The following CASZ1 variants were observed in gnomAD, a reference collection of about 807,000 sequenced individuals.
CASZ1 encodes castor zinc finger 1.
In CASZ1, 28 loss-of-function variants were observed where a neutral mutation model predicts 135.2. The ratio of observed to expected loss-of-function variants is 0.21; its 90% CI spans 0.15 to 0.28. CASZ1 has a LOEUF of 0.28. CASZ1 is among the 10% of genes least tolerant of loss of function. The probability of loss-of-function intolerance (pLI) is 1.00; values close to 1 mark genes in which losing one functional copy is unlikely to be tolerated. For missense variants in CASZ1, 2,161 were observed against 2,453.3 expected (o/e 0.88, Z 2.52); for synonymous variants, 1,068 against 1,073.4 (o/e 0.99, Z 0.10).
At chr1:10,749,653 A>G (rs1640114276) in intron 2 of CASZ1, among the ~76,000 whole-genome samples, 1 of 152,076 alleles carries the variant, frequency 6.6e-6, no homozygotes, top group Non-Finnish European at 1.5e-5. Flanking sequence ...AGACTCTTGT[A>G]GCAGGAGGTT....
rs1199765650 is a variant in CASZ1, at chr1:10,639,018, G to A, written c.5204C>T (p.Ala1735Val). 6 of 1,003,106 alleles carry A rather than the reference G, an allele frequency of 6.0e-6. No individual in the cohort carries two copies. Among genetic ancestry groups the A allele is most frequent in the African/African-American group, 1.8e-5 (1 of 56,568 alleles). The allele number at this position is 1,003,106 out of a possible 1,614,324, so 62.1% of individuals were successfully genotyped here. Reference protein sequence around the residue: ...EAAAEAAGAGARTPALAALAA... With the variant: ...EAAAEAAGAGVRTPALAALAA... ...CAGCGCCGCCAAGGCCGGGGTCCGC[G>A]CGCCCGCGCCCGCCGCCTCCGCCGC... Residue 1735 changes from alanine to valine, a missense_variant, in exon 21 of 21, where the codon GCG (alanine) becomes GTG (valine). Physicochemically the swap from Ala to Val is moderately conservative, Grantham distance 64 (BLOSUM62 0). Transcript: ENST00000377022. This position sits in a 1 kb window ranked among gnomAD's most constrained non-coding sequence, Gnocchi z 4.0.
In CASZ1 at chr1:10,725,281, C is replaced by T. The variant is rs903621821; in HGVS notation, c.-76-19737G>A. On this transcript the variant is annotated intron_variant, in intron 2 of 20. Coordinates refer to ENST00000377022, the MANE Select transcript of CASZ1 (RefSeq NM_001079843.3). The surrounding 1 kb of genome is among the most constrained non-coding windows in gnomAD (Gnocchi z 4.4). The stretch of plus-strand genomic sequence containing the variant: ...CCAGGCGTCTGCCAGGCCCCTCCAC[C>T]GTGCCAATGCCAACACCGTGGCCGC... Among the ~76,000 whole-genome samples, 4 of 152,246 alleles carry T rather than the reference C, an allele frequency of 2.6e-5. No individual in the cohort carries two copies. Among genetic ancestry groups the T allele is most frequent in the African/African-American group, 7.2e-5 (3 of 41,460 alleles).
chr1:10,694,807 G>A lies in CASZ1; in HGVS notation c.-23-895C>T, dbSNP rs1299071019. ...GAGGAGGCGGGGACTTGCGCTCAGG[G>A]CTGGCGGGAGGGGACCCGGCGCGGG... is the stretch of plus-strand genomic sequence containing the variant. On this transcript the variant is annotated intron_variant, in intron 3 of 20. Transcript: ENST00000377022. The surrounding 1 kb of genome is among the most constrained non-coding windows in gnomAD (Gnocchi z 6.6). 4.1e-5 allele frequency among the ~76,000 whole-genome samples: 6 copies of A among 145,398 alleles called. No homozygotes were observed. The highest frequency in any genetic ancestry group is 9.2e-5 in the Non-Finnish European group (6 of 65,462).
chr1:10,694,884 C>A lies in CASZ1; in HGVS notation c.-23-972G>T, dbSNP rs1209123514. The stretch of plus-strand genomic sequence containing the variant: ...CCCGCGGGCACGCGCCCACTCTTGC[C>A]GGCCGCCGGCGGCCGCGCGCGCGCT... On this transcript the variant is annotated intron_variant, in intron 3 of 20. Transcript: ENST00000377022. The surrounding 1 kb of genome is among the most constrained non-coding windows in gnomAD (Gnocchi z 6.6). 7.0e-6 allele frequency among the ~76,000 whole-genome samples: 1 copy of A among 143,714 alleles called. No homozygotes were observed. Among genetic ancestry groups the A allele is most frequent in the East Asian group, 2.1e-4 (1 of 4,844 alleles). 94.3% of individuals were successfully genotyped at this position (143,714 alleles called of 152,430 possible). A position where few individuals can be genotyped will look rare whatever the true frequency, so the allele number is the denominator to read the frequency against.
At position 10,755,520 on chromosome 1, in the gene CASZ1, C is replaced by T. The variant is rs1343976498; in HGVS notation, c.-77+5181G>A. ...CATCCTTTGGATCAACTGCGTCACC[C>T]GCCGAGAAGTCCCCCGAGTAGCTCC... On this transcript the variant is annotated intron_variant, in intron 2 of 20. Transcript: ENST00000377022. The surrounding 1 kb of genome is among the most constrained non-coding windows in gnomAD (Gnocchi z 4.3). Among the ~76,000 whole-genome samples the T allele has an allele frequency of 1.3e-5, 2 of 152,150 alleles. No individual in the cohort carries two copies. Among genetic ancestry groups the T allele is most frequent in the African/African-American group, 2.4e-5 (1 of 41,434 alleles).
chr1:10,746,483 G>A (rs1223316192), intron 2 of CASZ1, among the ~76,000 whole-genome samples: 1 of 152,226 alleles, frequency 6.6e-6, no homozygotes, highest in African/African-American at 2.4e-5. Flanking sequence ...GCTCCCAGAG[G>A]AAGGAGTCTG....
chr1:10,650,445 C>T (rs1642530018), intron 13 of CASZ1: 1 of 378,492 alleles, frequency 2.6e-6, no homozygotes, highest in African/African-American at 2.1e-5. Flanking sequence ...GCTTTTGGAG[C>T]CCTCCATCTG....
chr1:10,661,710 C>T (rs1643033930), intron 5 of CASZ1, among the ~76,000 whole-genome samples: 2 of 151,852 alleles, frequency 1.3e-5, no homozygotes, highest in African/African-American at 4.8e-5. Flanking sequence ...CACACCTACA[C>T]AGTCACATGC....
chr1:10,770,732 A>C lies in CASZ1; in HGVS notation c.-233-9875T>G, dbSNP rs549642954. The stretch of plus-strand genomic sequence containing the variant: ...AGCTTCCTCCCAGCCCCACCCCATC[A>C]GTTCCTGACAGGTTTCTCTGCAGTT... On this transcript the variant is annotated intron_variant, in intron 1 of 20. Transcript: ENST00000377022. Among the ~76,000 whole-genome samples, 237 of 152,280 alleles carry C rather than the reference A, an allele frequency of 1.6e-3. 1 individual carries two copies. The highest frequency in any genetic ancestry group is 3.4e-3 in the Middle Eastern group (1 of 294).
chr1:10,700,335 C>T lies in CASZ1; in HGVS notation c.-24+5157G>A, dbSNP rs1476813510. On this transcript the variant is annotated intron_variant, in intron 3 of 20. Transcript: ENST00000377022. This position sits in a 1 kb window ranked among gnomAD's most constrained non-coding sequence, Gnocchi z 4.2. The stretch of plus-strand genomic sequence containing the variant: ...GTTACCCTGTTGCTGCTGGTTCCTG[C>T]TCCAAGCCTCCCTTCTAGGAGCAGG... 2.0e-5 allele frequency among the ~76,000 whole-genome samples: 3 copies of T among 152,244 alleles called. No homozygotes were observed. Among genetic ancestry groups the T allele is most frequent in the African/African-American group, 7.2e-5 (3 of 41,464 alleles).
At chr1:10,714,994 G>A (rs982679664) in intron 2 of CASZ1, among the ~76,000 whole-genome samples, 5 of 152,178 alleles carry the variant, frequency 3.3e-5, no homozygotes, top group African/African-American at 1.2e-4. Flanking sequence ...GCTCAGCCGC[G>A]GGCCTAACCT....
chr1:10,692,351 A>G (rs1638794866), intron 4 of CASZ1, among the ~76,000 whole-genome samples: 1 of 152,072 alleles, frequency 6.6e-6, no homozygotes. Context: ...GGGGTGGTGC[A>G]TTGCCACCAG....
rs543099711 is a variant in CASZ1, at chr1:10,709,246, G to A, written c.-76-3702C>T. Among the ~76,000 whole-genome samples the A allele has an allele frequency of 3.9e-5, 6 of 152,240 alleles. No homozygotes were observed. Among genetic ancestry groups the A allele is most frequent in the South Asian group, 2.1e-4 (1 of 4,820 alleles). ...AGGCCTCCCGGGGCCATGGGGGCTC[G>A]GGGCAGCTGTCGGGCTGCCCATCCG... On this transcript the variant is annotated intron_variant, in intron 2 of 20. Coordinates refer to ENST00000377022, the MANE Select transcript of CASZ1 (RefSeq NM_001079843.3). The surrounding 1 kb of genome is among the most constrained non-coding windows in gnomAD (Gnocchi z 5.1).
chr1:10,645,587 T>C (rs1018070341), intron 17 of CASZ1, among the ~76,000 whole-genome samples: 2 of 152,234 alleles, frequency 1.3e-5, no homozygotes, highest in African/African-American at 4.8e-5. Flanking sequence ...CTGGTAACCT[T>C]GCAGGCCATC....
rs189703059 is a variant in CASZ1, at chr1:10,689,683, A to G, written c.16+4191T>C. ...AGAACCAGGGCTGGTTCAAAGGGTCACTTCACAGCCCAGAGCTGCCTGTCT... is the reference window on the plus strand; with the variant it reads ...AGAACCAGGGCTGGTTCAAAGGGTCGCTTCACAGCCCAGAGCTGCCTGTCT... On this transcript the variant is annotated intron_variant, in intron 4 of 20. Transcript: ENST00000377022. 8.6e-4 allele frequency among the ~76,000 whole-genome samples: 131 copies of G among 152,304 alleles called. 1 individual carries two copies. The highest frequency in any genetic ancestry group is 3.1e-3 in the African/African-American group (128 of 41,574).
intron 20 of CASZ1, 129 bp from the exon 21 acceptor site, chr1:10,640,188 C>T: frequency 7.1e-7 from 1 of 1,411,558 alleles, no homozygotes; most frequent in South Asian, 1.4e-5. Context: ...CCTCGGCTTC[C>T]CCTGGCTTGG....
At chr1:10,642,502 G>A (rs1237500040) in intron 20 of CASZ1, among the ~76,000 whole-genome samples, 1 of 148,030 alleles carries the variant, frequency 6.8e-6, no homozygotes, top group Non-Finnish European at 1.5e-5. Context: ...GAGAGAGGCG[G>A]GGCAGTGCCA....
intron 5 of CASZ1, among the ~76,000 whole-genome samples, chr1:10,664,497 C>T (rs925144837): frequency 6.6e-5 from 10 of 152,126 alleles, no homozygotes; most frequent in Admixed American, 5.9e-4. Context: ...ATACGCTGGC[C>T]GGGCTGGCAA....
intron 2 of CASZ1, among the ~76,000 whole-genome samples, chr1:10,713,210 T>A (rs1639318248): frequency 6.6e-6 from 1 of 152,174 alleles, no homozygotes; most frequent in African/African-American, 2.4e-5. Flanking sequence ...CAGCAGAAAA[T>A]CAGCTCATTA....
Sources: gnomAD v4.1 joint callset for allele counts (sites outside exome capture counted in the v4.1 genomes callset) on GRCh38, gnomAD v4.1.1 for gene constraint, Gnocchi (gnomAD v3.1) non-coding constraint, MANE v1.5 for transcripts, NCBI Gene and HGNC (gene_info 2026-07-23, HGNC 2026-07-21) for gene names.